The following EPB41 variants were observed in gnomAD, a reference collection of about 807,000 sequenced individuals.
EPB41 encodes the protein erythrocyte membrane protein band 4.1.
In EPB41, 65 loss-of-function variants were observed where a neutral mutation model predicts 108.0. The observed-to-expected ratio is 0.60, with a 90% CI of 0.49 to 0.74. The LOEUF (loss-of-function observed/expected upper bound fraction) is 0.74, where lower values mean the gene tolerates loss of function less well. Among genes scored for constraint, EPB41 ranks in the 30% least tolerant of loss-of-function variants. The probability of loss-of-function intolerance (pLI) is 0.00; values close to 1 mark genes in which losing one functional copy is unlikely to be tolerated. For synonymous variants in EPB41, 336 were observed against 358.9 expected, an observed-to-expected ratio of 0.94 and a Z score of 0.72; for missense variants, 875 against 1,037.0, an observed-to-expected ratio of 0.84 and a Z score of 2.15.
intron 1 of EPB41, among the ~76,000 whole-genome samples, chr1:28,985,291 G>A (rs1448784587): frequency 6.6e-6 from 1 of 151,592 alleles, no homozygotes; most frequent in Non-Finnish European, 1.5e-5. Context: ...CCTATTATGT[G>A]TCAGGTACTG....
chr1:28,916,665 G>A (rs942240733), intron 1 of EPB41, among the ~76,000 whole-genome samples: 6 of 152,126 alleles, frequency 3.9e-5, no homozygotes, highest in African/African-American at 1.4e-4. Context: ...TTGAACATAA[G>A]TTCAGAATGC....
At chr1:29,039,527 G>T (rs1640704838) in intron 11 of EPB41, 101 bp downstream of exon 11, 1 of 1,472,608 alleles carries the variant, frequency 6.8e-7, no homozygotes, top group Non-Finnish European at 9.3e-7. Flanking sequence ...GAAGCTCAGG[G>T]TTGGGCCTGG....
chr1:29,087,975 AT>A (rs2151362225), intron 16 of EPB41, among the ~76,000 whole-genome samples: 1 of 151,394 alleles, frequency 6.6e-6, no homozygotes, highest in Non-Finnish European at 1.5e-5. Flanking sequence ...ACTAGATATC[AT>A]TGCAGTACTT....
intron 1 of EPB41, among the ~76,000 whole-genome samples, chr1:28,899,609 G>A (rs112845358): frequency 6.6e-6 from 1 of 152,130 alleles, no homozygotes; most frequent in South Asian, 2.1e-4. Context: ...CCATCCTCGG[G>A]AGCTAGGATG....
chr1:28,915,731 C>CTTTTTTTTTTTTTTTTTTTTT (rs11321625), intron 1 of EPB41, among the ~76,000 whole-genome samples: 1 of 56,076 alleles, frequency 1.8e-5, no homozygotes, highest in Non-Finnish European at 3.1e-5. Context: ...TTTTCAGATG[C>CTTTTTTTTTTTTTTTTTTTTT]TTTTTTTTTT....
At chr1:28,945,133 A>G (rs2094448777) in intron 1 of EPB41, among the ~76,000 whole-genome samples, 1 of 151,910 alleles carries the variant, frequency 6.6e-6, no homozygotes, top group Non-Finnish European at 1.5e-5. Context: ...TCCTGTTTAT[A>G]AATCTTTAAA....
At chr1:29,064,867 T>C in intron 15 of EPB41, 115 bp from the exon 16 acceptor site, 1 of 1,299,704 alleles carries the variant, frequency 7.7e-7, no homozygotes, top group Non-Finnish European at 1.1e-6. Flanking sequence ...ATTAGTAACA[T>C]CTGTCCTGGA....
chr1:29,097,262 A>G (rs1409215305), intron 16 of EPB41: 1 of 166,686 alleles, frequency 6.0e-6, no homozygotes, highest in African/African-American at 2.4e-5. Flanking sequence ...GTGGTGGTAG[A>G]ACTGATTGTT....
At chr1:28,912,994 G>A (rs1458344413), upstream of EPB41, among the ~76,000 whole-genome samples, 1 of 151,474 alleles carries the variant, frequency 6.6e-6, no homozygotes, top group Non-Finnish European at 1.5e-5. Flanking sequence ...TTGTTTTTAG[G>A]GATGGAGTCT....
rs1293593742 is a variant in EPB41 at position 29,031,382 on chromosome 1, A to G, written c.1212+895A>G. 7.9e-5 allele frequency among the ~76,000 whole-genome samples: 12 copies of G among 152,314 alleles called. No homozygotes were observed. The South Asian group carries it at 2.3e-3, about 29-fold the overall frequency. ...ATATGTAGATCCCTGAGCTTCTCTC[A>G]GATGTATGGAATTAATTTGGAGGCG... On this transcript the variant is annotated intron_variant, in intron 8 of 20. Coordinates refer to ENST00000343067, the MANE Select transcript of EPB41 (RefSeq NM_001376013.1).
chr1:28,909,845 G>A (rs1038254082), upstream of EPB41, among the ~76,000 whole-genome samples: 10 of 151,938 alleles, frequency 6.6e-5, no homozygotes, highest in Admixed American at 5.2e-4. Flanking sequence ...ATACATAAGG[G>A]TGGGTGTGGT....
chr1:28,971,277 A>G (rs2095491128), intron 1 of EPB41, among the ~76,000 whole-genome samples: 1 of 127,514 alleles, frequency 7.8e-6, no homozygotes, highest in Admixed American at 1.0e-4. Flanking sequence ...TCTGCCTCCC[A>G]GGTTCAAGTG....
chr1:29,053,632 T>G (rs1644879170), intron 12 of EPB41: 1 of 254,568 alleles, frequency 3.9e-6, no homozygotes, highest in Admixed American at 5.0e-5. Context: ...CGATCTTGGC[T>G]CACTGCAAAC....
At chr1:29,043,550 T>C (rs1216741851) in intron 11 of EPB41, among the ~76,000 whole-genome samples, 1 of 152,244 alleles carries the variant, frequency 6.6e-6, no homozygotes, top group Non-Finnish European at 1.5e-5. Context: ...AATAGCCACA[T>C]GTGGTGTGTA....
At chr1:29,049,657 GT>G (rs1282181938) in intron 11 of EPB41, among the ~76,000 whole-genome samples, 2 of 152,132 alleles carry the variant, frequency 1.3e-5, no homozygotes, top group Non-Finnish European at 2.9e-5. Flanking sequence ...AGAAGTAGAA[GT>G]TGTTTGCCTT....
chr1:29,003,335 G>C (rs1178074673), intron 4 of EPB41, among the ~76,000 whole-genome samples: 6 of 152,238 alleles, frequency 3.9e-5, no homozygotes, highest in Non-Finnish European at 1.5e-5. Flanking sequence ...CAGCGTGACA[G>C]AGTGAGTAAA....
intron 16 of EPB41, among the ~76,000 whole-genome samples, chr1:29,088,097 A>G (rs1443159701): frequency 7.2e-6 from 1 of 139,398 alleles, no homozygotes; most frequent in Non-Finnish European, 1.5e-5. Context: ...CACAAGCTGG[A>G]GTGCAGTGGC....
intron 1 of EPB41, among the ~76,000 whole-genome samples, chr1:28,946,603 C>T (rs944038117): frequency 3.9e-5 from 6 of 152,244 alleles, no homozygotes; most frequent in East Asian, 1.9e-4. Context: ...TTCTGTAACA[C>T]GTAAATAATT....
intron 12 of EPB41, among the ~76,000 whole-genome samples, chr1:29,057,172 C>A (rs1417132050): frequency 6.6e-6 from 1 of 151,662 alleles, no homozygotes; most frequent in African/African-American, 2.4e-5. Flanking sequence ...GTCAGGAGAT[C>A]GAGACCATCC....
Sources: allele counts gnomAD v4.1 joint callset (sites outside exome capture counted in the v4.1 genomes callset), GRCh38; gene constraint gnomAD v4.1.1; transcripts MANE v1.5; gene names NCBI Gene and HGNC (gene_info 2026-07-23, HGNC 2026-07-21).